MAP4K4: variants seen among roughly 807,000 people sequenced by gnomAD.
MAP4K4 encodes mitogen-activated protein kinase kinase kinase kinase 4.
In MAP4K4, 38 loss-of-function variants were observed where a neutral mutation model predicts 189.6. The observed-to-expected ratio is 0.20, with a 90% CI of 0.15 to 0.26. The LOEUF is 0.26. MAP4K4 is among the 10% of genes least tolerant of loss of function. MAP4K4 has a pLI of 1.00. For synonymous variants in MAP4K4, 610 were observed against 624.3 expected (o/e 0.98, Z 0.34); for missense variants, 1,054 against 1,726.9 (o/e 0.61, Z 6.91).
At chr2:101,848,631 C>A (rs564335094) in intron 12 of MAP4K4, among the ~76,000 whole-genome samples, 10 of 152,182 alleles carry the variant, frequency 6.6e-5, no homozygotes, top group Non-Finnish European at 1.5e-4. Context: ...CTCCTGCCAT[C>A]CACACACTCC....
At chr2:101,887,506 A>G (rs1253579518) in intron 30 of MAP4K4, among the ~76,000 whole-genome samples, 1 of 152,210 alleles carries the variant, frequency 6.6e-6, no homozygotes, top group Non-Finnish European at 1.5e-5. Flanking sequence ...CTGCCAGGCC[A>G]GAATATCCCT....
At chr2:101,826,077 A>C (rs1434128277) in intron 5 of MAP4K4, among the ~76,000 whole-genome samples, 1 of 152,110 alleles carries the variant, frequency 6.6e-6, no homozygotes, top group Non-Finnish European at 1.5e-5. Context: ...GAGTCTCTTC[A>C]TTTGGCTATC....
At chr2:101,862,520 A>G (rs1171869087) in intron 16 of MAP4K4, among the ~76,000 whole-genome samples, 1 of 152,212 alleles carries the variant, frequency 6.6e-6, no homozygotes, top group Non-Finnish European at 1.5e-5. Flanking sequence ...AAGTTTTCAC[A>G]CTGCAAGTTA....
intron 2 of MAP4K4, among the ~76,000 whole-genome samples, chr2:101,780,606 T>A (rs1224412783): frequency 1.3e-5 from 2 of 152,242 alleles, no homozygotes; most frequent in African/African-American, 4.8e-5. Flanking sequence ...CATAGACTCT[T>A]GGGTTCCAGT....
intron 2 of MAP4K4, among the ~76,000 whole-genome samples, chr2:101,710,449 C>A (rs1222076902): frequency 6.6e-6 from 1 of 152,164 alleles, no homozygotes; most frequent in African/African-American, 2.4e-5. Context: ...ATATTTTGAG[C>A]CTACTCTGCT....
At chr2:101,774,880 G>A (rs905278813) in intron 2 of MAP4K4, among the ~76,000 whole-genome samples, 3 of 152,048 alleles carry the variant, frequency 2.0e-5, no homozygotes, top group Non-Finnish European at 4.4e-5. Context: ...TGGGTGTGGT[G>A]GAATTTGGGC....
intron 2 of MAP4K4, among the ~76,000 whole-genome samples, chr2:101,763,178 C>T (rs1416832190): frequency 6.6e-6 from 1 of 152,146 alleles, no homozygotes; most frequent in South Asian, 2.1e-4. Flanking sequence ...GGAAAGAATC[C>T]TGTGAGACAG....
chr2:101,876,246 A>T (rs1442470185), intron 26 of MAP4K4, among the ~76,000 whole-genome samples: 2 of 152,164 alleles, frequency 1.3e-5, no homozygotes, highest in African/African-American at 4.8e-5. Flanking sequence ...AGGCACACTC[A>T]TGCACAGGTG....
intron 28 of MAP4K4, 86 bp from the exon 29 acceptor site, chr2:101,885,101 G>T (rs2098462292): frequency 6.9e-6 from 4 of 580,268 alleles, no homozygotes; most frequent in Non-Finnish European, 1.2e-5. Flanking sequence ...TATTTATAAA[G>T]TTTGCAGAAG....
At chr2:101,813,096 G>T (rs1221593699) in intron 3 of MAP4K4, among the ~76,000 whole-genome samples, 2 of 152,152 alleles carry the variant, frequency 1.3e-5, no homozygotes, top group South Asian at 2.1e-4. Context: ...GCCGGCCTGG[G>T]TGAAAGAGCA....
chr2:101,796,407 C>T (rs957090939), intron 3 of MAP4K4, among the ~76,000 whole-genome samples: 3 of 152,186 alleles, frequency 2.0e-5, no homozygotes, highest in Non-Finnish European at 2.9e-5. Flanking sequence ...AAAGAGCCCA[C>T]TCCCTTCTGT....
intron 3 of MAP4K4, among the ~76,000 whole-genome samples, chr2:101,795,894 T>A (rs1391677198): frequency 6.6e-6 from 1 of 152,196 alleles, no homozygotes; most frequent in African/African-American, 2.4e-5. Context: ...CACAGTATTA[T>A]AATAATATTA....
chr2:101,842,944 G>A (rs2096964804), intron 11 of MAP4K4, among the ~76,000 whole-genome samples: 1 of 152,188 alleles, frequency 6.6e-6, no homozygotes, highest in South Asian at 2.1e-4. Flanking sequence ...CTGGGCAGGG[G>A]AGAGTGCCCC....
chr2:101,882,693 C>T lies in MAP4K4; in HGVS notation c.3520+8C>T, dbSNP rs1220064228. On this transcript the variant is annotated splice_region_variant and intron_variant, in intron 28 of 32. Transcript: ENST00000324219. ...GTGTACATTATAAAGTTGGTAAGTT[C>T]TAGAAGCGTCATATTTTGTTTTTCC... 6.5e-7 allele frequency: 1 copy of T among 1,541,722 alleles called. No homozygotes were observed.
At chr2:101,894,595 C>T (rs2098602758) in exon 33 of MAP4K4, 1 of 152,378 alleles carries the variant, frequency 6.6e-6, no homozygotes, top group African/African-American at 2.4e-5. Context: ...GTACACAGCC[C>T]TTTTTTTTGC....
At chr2:101,838,791 A>T (rs1576543184) in intron 9 of MAP4K4, among the ~76,000 whole-genome samples, 1 of 152,262 alleles carries the variant, frequency 6.6e-6, no homozygotes, top group African/African-American at 2.4e-5. Flanking sequence ...AATAGAAGTG[A>T]TTCTTAAAAG....
At chr2:101,714,709 A>G (rs10432622) in intron 2 of MAP4K4, among the ~76,000 whole-genome samples, 114,579 of 152,084 alleles carry the variant, frequency 0.75, 43,646 homozygotes, top group African/African-American at 0.88. Flanking sequence ...TAATTTCCCT[A>G]TAAACTCTGA....
intron 2 of MAP4K4, among the ~76,000 whole-genome samples, chr2:101,785,728 CT>C (rs2090616960): frequency 4.9e-4 from 4 of 8,226 alleles, no homozygotes; most frequent in South Asian, 4.1e-3. Context: ...CTCTCTCTCT[CT>C]CTCTCTCTCT....
chr2:101,863,903 A>T (rs1311238947), exon 17 of MAP4K4: 1 of 1,367,436 alleles, frequency 7.3e-7, no homozygotes, highest in Non-Finnish European at 9.8e-7. Flanking sequence ...CCTTCTCCCA[A>T]ATTTGCACAC....
Sources: allele counts gnomAD v4.1 joint callset (sites outside exome capture counted in the v4.1 genomes callset), GRCh38; gene constraint gnomAD v4.1.1; transcripts MANE v1.5; gene names NCBI Gene and HGNC (gene_info 2026-07-23, HGNC 2026-07-21).